ERC1: variants seen among roughly 807,000 people sequenced by gnomAD.
ERC1 encodes RAB6 interacting protein 2.
Under a neutral mutation model 132.0 loss-of-function variants are expected in ERC1, and 56 were observed. That is an observed-to-expected ratio of 0.42 (90% CI 0.34 to 0.53). The LOEUF is 0.53. Ranked by LOEUF, ERC1 falls within the 20% of genes least tolerant of loss-of-function variation. ERC1 has a pLI of 0.03. For missense variants in ERC1, 1,202 were observed against 1,349.9 expected (o/e 0.89, Z 1.72); for synonymous variants, 478 against 476.1 (o/e 1.00, Z -0.05).
chr12:1,414,057 C>T (rs563441901), intron 17 of ERC1, among the ~76,000 whole-genome samples: 120 of 152,214 alleles, frequency 7.9e-4, no homozygotes, highest in African/African-American at 2.8e-3. Flanking sequence ...GTAGGGTTTG[C>T]GCTCCCGTGA....
intron 12 of ERC1, among the ~76,000 whole-genome samples, chr12:1,214,381 A>G (rs1958170328): frequency 6.6e-6 from 1 of 152,168 alleles, no homozygotes; most frequent in South Asian, 2.1e-4. Context: ...TTTGAATAAG[A>G]TGATAAATAT....
In ERC1 at chr12:1,024,854, A is replaced by G. The variant is rs1211372506; in HGVS notation, c.-156-2894A>G. On this transcript the variant is annotated intron_variant, in intron 1 of 18. Coordinates refer to ENST00000360905, the MANE Select transcript of ERC1 (RefSeq NM_178040.4). The stretch of plus-strand genomic sequence containing the variant: ...GAAAAAAAAAGTGGAAAAAAAAAAA[A>G]AAAGAAAATACTTGGGAAAAAATAA... 2.0e-5 allele frequency among the ~76,000 whole-genome samples: 3 copies of G among 151,994 alleles called. No individual in the cohort carries two copies. In the East Asian group the frequency reaches 5.8e-4, roughly 29 times the overall value.
At chr12:992,326 G>A (rs1959698596) in intron 1 of ERC1, among the ~76,000 whole-genome samples, 1 of 152,162 alleles carries the variant, frequency 6.6e-6, no homozygotes, top group Non-Finnish European at 1.5e-5. Flanking sequence ...GGTGGATAAA[G>A]TGAACAATTG....
At chr12:1,443,399 C>T (rs892010359) in intron 17 of ERC1, 5 of 152,164 alleles carry the variant, frequency 3.3e-5, no homozygotes, top group African/African-American at 1.2e-4. Context: ...AAGGAGGAAT[C>T]AGTGTTACTG....
At chr12:1,333,523 G>C (rs2083059006) in intron 15 of ERC1, among the ~76,000 whole-genome samples, 2 of 151,768 alleles carry the variant, frequency 1.3e-5, no homozygotes, top group South Asian at 2.1e-4. Context: ...AGTAGAGACG[G>C]GGTTTCACCA....
chr12:1,425,460 G>C (rs1235694647), intron 17 of ERC1, among the ~76,000 whole-genome samples: 1 of 152,168 alleles, frequency 6.6e-6, no homozygotes, highest in Non-Finnish European at 1.5e-5. Flanking sequence ...CTGAATCTCT[G>C]ACTGTCCTAA....
chr12:1,293,453 AAAC>A lies in ERC1; in HGVS notation c.2780+3465_2780+3467del, dbSNP rs201350540. On this transcript the variant is annotated intron_variant, in intron 15 of 18. Transcript: ENST00000360905. ...GGGCGACAGAGCAAAACTCCATCTC[AAAC>A]AACAACAACAACAACAACAACAATT... Among the ~76,000 whole-genome samples the A allele has an allele frequency of 1.8e-4, 18 of 101,378 alleles. 2 individuals carry two copies. The highest frequency in any genetic ancestry group is 2.6e-4 in the African/African-American group (7 of 26,734). 66.5% of individuals were successfully genotyped at this position (101,378 alleles called of 152,430 possible). A position where few individuals can be genotyped will look rare whatever the true frequency, so the allele number is the denominator to read the frequency against.
chr12:1,386,531 C>T (rs928121586), intron 16 of ERC1: 1 of 151,362 alleles, frequency 6.6e-6, no homozygotes, highest in Non-Finnish European at 1.5e-5. Flanking sequence ...ACCTGTAATC[C>T]CAGCTACTCC....
intron 14 of ERC1, among the ~76,000 whole-genome samples, chr12:1,282,919 T>TA (rs1183276423): frequency 2.6e-5 from 4 of 152,318 alleles, no homozygotes; most frequent in Non-Finnish European, 5.9e-5. Context: ...TGTGGAGACT[T>TA]ACGCCTTTTA....
chr12:1,077,706 C>G (rs11612561), intron 2 of ERC1, among the ~76,000 whole-genome samples: 7,344 of 152,236 alleles, frequency 0.048, 250 homozygotes, highest in African/African-American at 0.088. Context: ...TATCTTACAA[C>G]TCGATCTTTC....
At chr12:1,291,104 C>CT (rs2079418112) in intron 15 of ERC1, among the ~76,000 whole-genome samples, 1 of 152,242 alleles carries the variant, frequency 6.6e-6, no homozygotes, top group South Asian at 2.1e-4. Flanking sequence ...TGCCATAATA[C>CT]CTTAGCATGA....
chr12:1,410,465 C>T (rs745532862), intron 17 of ERC1: 107 of 1,255,060 alleles, frequency 8.5e-5, no homozygotes, highest in Non-Finnish European at 1.0e-4. Context: ...TGAGAAACAG[C>T]TTTCCTTAAC....
chr12:1,182,630 A>C (rs919233952), intron 10 of ERC1, among the ~76,000 whole-genome samples: 5 of 151,778 alleles, frequency 3.3e-5, no homozygotes, highest in African/African-American at 4.9e-5. Context: ...AATTCCTAAT[A>C]GAATTTTTCT....
chr12:1,313,583 G>A (rs1594936811), intron 15 of ERC1, among the ~76,000 whole-genome samples: 1 of 152,128 alleles, frequency 6.6e-6, no homozygotes, highest in South Asian at 2.1e-4. Context: ...CCTCCCATAT[G>A]TAAATCAAAT....
intron 4 of ERC1, among the ~76,000 whole-genome samples, chr12:1,105,353 A>T (rs1490270010): frequency 6.6e-6 from 1 of 151,736 alleles, no homozygotes; most frequent in African/African-American, 2.4e-5. Flanking sequence ...ATTTTTTTTT[A>T]TTATTTTTTA....
At chr12:1,146,307 G>GGTTT (rs1950338259) in intron 8 of ERC1, among the ~76,000 whole-genome samples, 4 of 59,394 alleles carry the variant, frequency 6.7e-5, no homozygotes, top group Non-Finnish European at 9.3e-5. Flanking sequence ...GTATTTTACT[G>GGTTT]GTTTTTTTTT....
At chr12:1,444,899 C>T in intron 18 of ERC1, 149 bp downstream of exon 18, 1 of 549,472 alleles carries the variant, frequency 1.8e-6, no homozygotes, top group Non-Finnish European at 3.0e-6. Flanking sequence ...TGTGTAGGTT[C>T]ATGCAGTGGG....
chr12:1,455,508 A>G (rs1056254177), intron 18 of ERC1, among the ~76,000 whole-genome samples: 3 of 152,160 alleles, frequency 2.0e-5, no homozygotes, highest in Non-Finnish European at 4.4e-5. Context: ...GGGGTTCTGC[A>G]CTGCGCTTAG....
chr12:1,282,781 T>C (rs988162848), intron 14 of ERC1, among the ~76,000 whole-genome samples: 1 of 152,244 alleles, frequency 6.6e-6, no homozygotes, highest in African/African-American at 2.4e-5. Flanking sequence ...TAGGTTTTAA[T>C]CTGGAACTTT....
Sources: allele counts gnomAD v4.1 joint callset (sites outside exome capture counted in the v4.1 genomes callset), GRCh38; gene constraint gnomAD v4.1.1; transcripts MANE v1.5; gene names NCBI Gene and HGNC (gene_info 2026-07-23, HGNC 2026-07-21).